THSD7B: variants seen among roughly 807,000 people sequenced by gnomAD.
The protein encoded by THSD7B is thrombospondin type 1 domain containing 7B, also known as thrombospondin type-1 domain-containing protein 7B.
In THSD7B, 138 loss-of-function variants were observed where a neutral mutation model predicts 213.6. The ratio of observed to expected loss-of-function variants is 0.65; its 90% CI spans 0.56 to 0.74. THSD7B has a LOEUF of 0.74. Ranked by LOEUF, THSD7B falls within the 30% of genes least tolerant of loss-of-function variation. THSD7B has a pLI of 0.00. For missense variants in THSD7B, 1,931 were observed against 1,991.5 expected (o/e 0.97, Z 0.58); for synonymous variants, 742 against 687.0 (o/e 1.08, Z -1.25).
chr2:136,796,980 T>TCACACACACA lies in THSD7B; in HGVS notation c.-36+31316_-36+31325dup, dbSNP rs58116447. Among the ~76,000 whole-genome samples the TCACACACACA allele has an allele frequency of 6.3e-3, 919 of 146,908 alleles. 5 individuals carry two copies. The highest frequency in any genetic ancestry group is 0.01 in the East Asian group (50 of 4,914). On this transcript the variant is annotated intron_variant, in intron 1 of 27. Transcript: ENST00000409968. Reference sequence around the variant, plus strand: ...GCCAAGATAGTGATATCATATTTGATCACACACACACACACACACACACAC... The same window carrying TCACACACACA: ...GCCAAGATAGTGATATCATATTTGATCACACACACACACACACACACACACACACACACAC...
intron 11 of THSD7B, among the ~76,000 whole-genome samples, chr2:137,273,662 G>A (rs1047655500): frequency 1.3e-5 from 2 of 151,966 alleles, no homozygotes; most frequent in Non-Finnish European, 2.9e-5. Context: ...CGTTGAAGAA[G>A]GTCTAAATTA....
intron 17 of THSD7B, among the ~76,000 whole-genome samples, chr2:137,583,697 T>C (rs1232321530): frequency 1.3e-5 from 2 of 152,206 alleles, no homozygotes; most frequent in African/African-American, 4.8e-5. Flanking sequence ...CATTGGTCTA[T>C]ATCTCTGTTT....
At chr2:137,215,552 G>A (rs1373624938) in intron 7 of THSD7B, among the ~76,000 whole-genome samples, 2 of 152,122 alleles carry the variant, frequency 1.3e-5, no homozygotes, top group African/African-American at 4.8e-5. Context: ...TGTTGATCAG[G>A]AAGTTAAGAC....
intron 21 of THSD7B, among the ~76,000 whole-genome samples, chr2:137,654,610 G>A (rs1683201531): frequency 6.6e-6 from 1 of 152,050 alleles, no homozygotes; most frequent in Non-Finnish European, 1.5e-5. Flanking sequence ...TCGGGGGAGG[G>A]CTATTGCAGA....
chr2:136,888,955 GTGTGTGTGTGTGTGCT>G (rs1215451102), intron 2 of THSD7B, among the ~76,000 whole-genome samples: 2 of 151,870 alleles, frequency 1.3e-5, no homozygotes, highest in Non-Finnish European at 2.9e-5. Context: ...GTGTGTGTGT[GTGTGTGTGTGTGTGCT>G]TGTGTGTGTG....
intron 5 of THSD7B, among the ~76,000 whole-genome samples, chr2:137,157,019 A>G (rs544933956): frequency 1.5e-4 from 23 of 152,272 alleles, no homozygotes; most frequent in African/African-American, 5.5e-4. Context: ...AATTAATATG[A>G]ATTCTTGCTG....
chr2:137,211,490 T>C (rs1003743520), intron 7 of THSD7B, among the ~76,000 whole-genome samples: 1 of 152,112 alleles, frequency 6.6e-6, no homozygotes, highest in African/African-American at 2.4e-5. Context: ...ATATGTGTTA[T>C]GTAATTTTCA....
At chr2:137,150,905 C>T (rs1679807011) in intron 5 of THSD7B, among the ~76,000 whole-genome samples, 1 of 152,058 alleles carries the variant, frequency 6.6e-6, no homozygotes, top group African/African-American at 2.4e-5. Context: ...ATTTGTATAT[C>T]TAAACATAGA....
intron 14 of THSD7B, among the ~76,000 whole-genome samples, chr2:137,444,077 A>T (rs778622125): frequency 6.6e-6 from 1 of 152,074 alleles, no homozygotes; most frequent in Non-Finnish European, 1.5e-5. Flanking sequence ...TTTCAAAACC[A>T]TCTCTTAATA....
intron 5 of THSD7B, among the ~76,000 whole-genome samples, chr2:137,157,599 G>A (rs1490788682): frequency 6.6e-6 from 1 of 152,104 alleles, no homozygotes; most frequent in Admixed American, 6.6e-5. Flanking sequence ...ACTTAATATA[G>A]GTTGAATGAC....
chr2:136,774,629 A>G (rs1573632374), intron 1 of THSD7B, among the ~76,000 whole-genome samples: 5 of 152,240 alleles, frequency 3.3e-5, no homozygotes, highest in Non-Finnish European at 5.9e-5. Context: ...TTTCACAGGT[A>G]GCTTAAATCT....
At chr2:137,673,860 G>A (rs1683635688) in intron 27 of THSD7B, among the ~76,000 whole-genome samples, 1 of 152,130 alleles carries the variant, frequency 6.6e-6, no homozygotes, top group Non-Finnish European at 1.5e-5. Context: ...TGATTTTGGT[G>A]TCTGGCAATT....
At chr2:136,874,279 G>T (rs1407782542) in intron 1 of THSD7B, among the ~76,000 whole-genome samples, 1 of 152,184 alleles carries the variant, frequency 6.6e-6, no homozygotes, top group Non-Finnish European at 1.5e-5. Flanking sequence ...CTAAAGTGGG[G>T]CATAATATGA....
intron 15 of THSD7B, among the ~76,000 whole-genome samples, chr2:137,509,266 T>TTTCC (rs1679908330): frequency 1.3e-5 from 2 of 151,078 alleles, no homozygotes; most frequent in African/African-American, 4.9e-5. Flanking sequence ...TCCTTCCTTC[T>TTTCC]TTCCTTCCTT....
intron 15 of THSD7B, among the ~76,000 whole-genome samples, chr2:137,559,954 C>G (rs183874700): frequency 1.1e-4 from 17 of 152,106 alleles, no homozygotes; most frequent in African/African-American, 4.1e-4. Context: ...AGAGACACAT[C>G]AAAAAATGCT....
At chr2:137,115,086 ACTT>A (rs777359141) in intron 4 of THSD7B, 35 bp from the exon 5 acceptor site, 156 of 1,602,164 alleles carry the variant, frequency 9.7e-5, no homozygotes, top group Non-Finnish European at 1.2e-4. Flanking sequence ...TATTTTTCTT[ACTT>A]CTTCTTCTTC....
chr2:137,195,781 AGTCAG>A (rs1360620966), intron 7 of THSD7B, among the ~76,000 whole-genome samples: 1 of 152,200 alleles, frequency 6.6e-6, no homozygotes, highest in East Asian at 1.9e-4. Context: ...GTGATAATTA[AGTCAG>A]GCAAGAATCA....
intron 21 of THSD7B, among the ~76,000 whole-genome samples, chr2:137,648,472 A>G (rs1234451264): frequency 6.6e-6 from 1 of 152,124 alleles, no homozygotes; most frequent in Non-Finnish European, 1.5e-5. Context: ...TATGAGTGAG[A>G]ACATATGATA....
At chr2:136,815,374 A>T (rs977281521) in intron 1 of THSD7B, among the ~76,000 whole-genome samples, 10 of 152,146 alleles carry the variant, frequency 6.6e-5, no homozygotes, top group African/African-American at 2.4e-4. Context: ...TCTTGGTGCT[A>T]TAGAATATTT....
Sources: gnomAD v4.1 joint callset for allele counts (sites outside exome capture counted in the v4.1 genomes callset) on GRCh38, gnomAD v4.1.1 for gene constraint, MANE v1.5 for transcripts, NCBI Gene and HGNC (gene_info 2026-07-23, HGNC 2026-07-21) for gene names.